Variants in SULT1C4 observed in about 807,000 individuals in gnomAD.
SULT1C4 encodes sulfotransferase family 1C member 4.
In SULT1C4, 32 loss-of-function variants were observed where a neutral mutation model predicts 34.8. That is an observed-to-expected ratio of 0.92 (90% CI 0.69 to 1.23). SULT1C4 has a LOEUF of 1.23. Among genes scored for constraint, SULT1C4 ranks in the 50% most tolerant of loss-of-function variants. The pLI is 0.00. For synonymous variants in SULT1C4, 111 were observed against 120.5 expected (o/e 0.92, Z 0.51); for missense variants, 375 against 365.9 (o/e 1.02, Z -0.20).
rs1012412945 is a variant in SULT1C4, at chr2:108,386,381, A to T, written c.796+9A>T. ...TCCATTCATGAGAAAAGGTTTTTAT[A>T]GTTTATTTTCATTATAATCTTAAAA... On this transcript the variant is annotated intron_variant, in intron 6 of 6. Coordinates refer to ENST00000272452, the MANE Select transcript of SULT1C4 (RefSeq NM_006588.4). 2.1e-6 allele frequency: 3 copies of T among 1,430,944 alleles called. No individual in the cohort carries two copies. Among genetic ancestry groups the T allele is most frequent in the Non-Finnish European group, 2.8e-6 (3 of 1,083,784 alleles). 88.6% of individuals were successfully genotyped at this position (1,430,944 alleles called of 1,614,324 possible). A position where few individuals can be genotyped will look rare whatever the true frequency, so the allele number is the denominator to read the frequency against.
At position 108,388,962 on chromosome 2, in the gene SULT1C4, A is replaced by G. The variant is rs1394447832; in HGVS notation, c.*1530A>G. Among the ~76,000 whole-genome samples, 1 of 152,232 alleles carries G rather than the reference A, an allele frequency of 6.6e-6. No individual in the cohort carries two copies. On this transcript the variant is annotated 3_prime_UTR_variant, in exon 7 of 7. Transcript: ENST00000272452. The stretch of plus-strand genomic sequence containing the variant: ...ACTTAGTGTAACTCTTCTGTGATGA[A>G]GATTAAAGTGTATTATGGCAACTCT...
chr2:108,383,372 G>A, intron 4 of SULT1C4, 44 bp from the exon 5 acceptor site: 1 of 1,602,730 alleles, frequency 6.2e-7, no homozygotes, highest in Non-Finnish European at 8.5e-7. Context: ...TGGTATAATA[G>A]GACCTCTGTG....
chr2:108,387,284 C>T (rs368579970), intron 6 of SULT1C4, 36 bp from the exon 7 acceptor site: 19 of 1,503,746 alleles, frequency 1.3e-5, no homozygotes, highest in Non-Finnish European at 1.7e-5. Flanking sequence ...ACTCTTCCAA[C>T]AGCTACTGAA....
intron 5 of SULT1C4, among the ~76,000 whole-genome samples, chr2:108,384,406 A>AT (rs1014737902): frequency 1.1e-4 from 17 of 151,588 alleles, no homozygotes; most frequent in Non-Finnish European, 1.3e-4. Context: ...AATTTTTTGT[A>AT]TTTTTTACTA....
intron 2 of SULT1C4, 141 bp from the exon 3 acceptor site, chr2:108,382,244 C>CA (rs1426301714): frequency 6.8e-6 from 5 of 732,700 alleles, no homozygotes; most frequent in Non-Finnish European, 9.6e-6. Flanking sequence ...ATAGGCTAGA[C>CA]GTATTCTCTC....
chr2:108,381,828 G>A lies in SULT1C4; in HGVS notation c.236G>A (p.Arg79Gln), dbSNP rs199882807. The A allele has an allele frequency of 8.5e-5, 127 of 1,497,122 alleles. No individual in the cohort carries two copies. The highest frequency in any genetic ancestry group is 1.4e-4 in the South Asian group (10 of 69,594). 92.7% of individuals were successfully genotyped at this position (1,497,122 alleles called of 1,614,324 possible). A position where few individuals can be genotyped will look rare whatever the true frequency, so the allele number is the denominator to read the frequency against. Residue 79 changes from arginine to glutamine, a missense_variant, in exon 2 of 7, where the codon CGG (arginine) becomes CAG (glutamine). Coordinates refer to ENST00000272452, the MANE Select transcript of SULT1C4 (RefSeq NM_006588.4). ...GAAGGTGATGTGGAGAAAAGTAAAC[G>A]GGCACCGACTCATCAACGATTTCCT... The part of the protein sequence containing the change: ...QNEGDVEKSK[R>Q]APTHQRFPFL...
chr2:108,386,615 G>A (rs890555100), intron 6 of SULT1C4, among the ~76,000 whole-genome samples: 2 of 152,156 alleles, frequency 1.3e-5, no homozygotes, highest in African/African-American at 4.8e-5. Flanking sequence ...TCCCTTAAGA[G>A]TTCTGGCTAA....
intron 3 of SULT1C4, 66 bp from the exon 4 acceptor site, chr2:108,383,027 C>CAAAA: frequency 5.4e-6 from 7 of 1,296,056 alleles, no homozygotes; most frequent in South Asian, 1.7e-5. Flanking sequence ...GCAGTAACAG[C>CAAAA]AAAAAAAAAA....
intron 6 of SULT1C4, among the ~76,000 whole-genome samples, chr2:108,386,679 G>T (rs1558703252): frequency 6.6e-6 from 1 of 152,164 alleles, no homozygotes; most frequent in African/African-American, 2.4e-5. Context: ...CCATTTTATA[G>T]ACAGTTCTAT....
chr2:108,379,504 G>C (rs1678331905), intron 1 of SULT1C4, among the ~76,000 whole-genome samples: 1 of 152,064 alleles, frequency 6.6e-6, no homozygotes. Flanking sequence ...TAATTTCATT[G>C]ACAATTCCAC....
In SULT1C4 at chr2:108,381,765, C is replaced by A. The variant is rs1032159049; in HGVS notation, c.173C>A (p.Thr58Lys). 1.4e-6 allele frequency: 2 copies of A among 1,400,884 alleles called. No individual in the cohort carries two copies. The highest frequency in any genetic ancestry group is 2.7e-5 in the East Asian group (1 of 37,468). 86.8% of individuals were successfully genotyped at this position (1,400,884 alleles called of 1,614,324 possible). ...CTTCATTTTACGTGCACGTAAGGAA[C>A]AACATGGACTCAGGAGATAGTGGAA... ...LLISTYPKAG[T>K]TWTQEIVELI... Residue 58 changes from threonine (T) to lysine (K), a missense_variant, in exon 2 of 7, where the codon ACA becomes AAA. Thr to Lys is a moderately conservative substitution (Grantham distance 78). Transcript: ENST00000272452.
At chr2:108,383,329 A>C in intron 4 of SULT1C4, 87 bp from the exon 5 acceptor site, 1 of 1,587,616 alleles carries the variant, frequency 6.3e-7, no homozygotes, top group South Asian at 1.1e-5. Flanking sequence ...TTAATGGAAC[A>C]TTCTCACTTC....
intron 5 of SULT1C4, among the ~76,000 whole-genome samples, chr2:108,384,003 G>A (rs1417292146): frequency 2.0e-5 from 3 of 151,482 alleles, no homozygotes; most frequent in Non-Finnish European, 4.4e-5. Context: ...GGAGTAGTTG[G>A]GATTACAGTC....
chr2:108,379,702 A>G (rs1290072922), intron 1 of SULT1C4, among the ~76,000 whole-genome samples: 2 of 152,226 alleles, frequency 1.3e-5, no homozygotes, highest in Non-Finnish European at 2.9e-5. Flanking sequence ...ACATTAATGA[A>G]GGCTATTTTA....
intron 5 of SULT1C4, among the ~76,000 whole-genome samples, chr2:108,383,857 TTTTTTG>T (rs1054935588): frequency 2.1e-5 from 3 of 142,398 alleles, no homozygotes; most frequent in African/African-American, 8.9e-5. Context: ...TTTTTGGGTT[TTTTTTG>T]TTTTTGTTTT....
In SULT1C4 at chr2:108,387,963, A is replaced by AT. The variant is rs41374446; in HGVS notation, c.*542dup. 0.036 allele frequency: 5,245 copies of AT among 145,858 alleles called. 212 individuals carry two copies. The highest frequency in any genetic ancestry group is 0.099 in the African/African-American group (3,939 of 39,932). 9.0% of individuals were successfully genotyped at this position (145,858 alleles called of 1,614,324 possible). On this transcript the variant is annotated 3_prime_UTR_variant, in exon 7 of 7. Transcript: ENST00000272452. ...GGGCGCCCACCACCACTCCCGGCTA[A>AT]TTTTTTTTTTTGTATTCTTAGTAGA...
intron 1 of SULT1C4, among the ~76,000 whole-genome samples, chr2:108,381,267 T>A (rs1023926004): frequency 2.6e-5 from 4 of 152,218 alleles, no homozygotes; most frequent in Non-Finnish European, 4.4e-5. Flanking sequence ...AGTATTTTTT[T>A]AAAATCATAT....
rs1678570579 is a variant in SULT1C4 at position 108,386,364 on chromosome 2, TG to T, written c.789del (p.Met263IlefsTer29). On this transcript the variant is annotated frameshift_variant, in exon 6 of 7. Coordinates refer to ENST00000272452, the MANE Select transcript of SULT1C4 (RefSeq NM_006588.4). LOFTEE classifies it low-confidence loss of function (END_TRUNC). ...EIMDHSISPF[M>X]RKGAVGDWKK... ...ATGGACCACTCCATTTCTCCATTCA[TG>T]AGAAAAGGTTTTTATAGTTTATTTT... 1 of 1,476,500 alleles carries T rather than the reference TG, an allele frequency of 6.8e-7. No individual in the cohort carries two copies. Among genetic ancestry groups the T allele is most frequent in the African/African-American group, 1.4e-5 (1 of 70,234 alleles). 91.5% of individuals were successfully genotyped at this position (1,476,500 alleles called of 1,614,324 possible).
chr2:108,386,109 C>T lies in SULT1C4; in HGVS notation c.616-83C>T, dbSNP rs533298633. ...TTTATTTTAGCTCGTAATATGTTAC[C>T]GGTTACTGTCATTAATCCATCATAA... On this transcript the variant is annotated intron_variant, in intron 5 of 6. Transcript: ENST00000272452. 249 of 1,090,228 alleles carry T rather than the reference C, an allele frequency of 2.3e-4. No individual in the cohort carries two copies. In the South Asian group the frequency reaches 4.5e-3, roughly 20 times the overall value. The allele number at this position is 1,090,228 out of a possible 1,614,324, so 67.5% of individuals were successfully genotyped here. A position where few individuals can be genotyped will look rare whatever the true frequency, so the allele number is the denominator to read the frequency against.
Sources: allele counts gnomAD v4.1 joint callset (sites outside exome capture counted in the v4.1 genomes callset), GRCh38; gene constraint gnomAD v4.1.1; transcripts MANE v1.5; gene names NCBI Gene and HGNC (gene_info 2026-07-23, HGNC 2026-07-21).